The following DIPK1A variants were observed in gnomAD, a reference collection of about 807,000 sequenced individuals.
DIPK1A encodes the protein family with sequence similarity 69 member A.
In DIPK1A, 27 loss-of-function variants were observed where a neutral mutation model predicts 40.8. The observed-to-expected ratio is 0.66, with a 90% confidence interval of 0.49 to 0.91. The LOEUF is 0.91. Ranked by LOEUF, DIPK1A falls within the 40% of genes least tolerant of loss-of-function variation. The probability of loss-of-function intolerance (pLI) is 0.00; values close to 1 mark genes in which losing one functional copy is unlikely to be tolerated. For missense variants in DIPK1A, 412 were observed against 505.7 expected, an observed-to-expected ratio of 0.81 and a Z score of 1.78; for synonymous variants, 166 against 171.3, an observed-to-expected ratio of 0.97 and a Z score of 0.24.
chr1:92,835,827 G>A (rs1687101980), intron 4 of DIPK1A, among the ~76,000 whole-genome samples: 1 of 152,148 alleles, frequency 6.6e-6, no homozygotes, highest in Non-Finnish European at 1.5e-5. Flanking sequence ...TGTTAAGCAT[G>A]TGCAGCAAGG....
chr1:92,841,745 A>G (rs41286819), downstream of DIPK1A: 45,562 of 1,534,456 alleles, frequency 0.03, 866 homozygotes, highest in Non-Finnish European at 0.034. Flanking sequence ...TTTAAAAAAT[A>G]TATATTCCTA....
At chr1:92,887,993 T>A (rs1237988867) in intron 1 of DIPK1A, among the ~76,000 whole-genome samples, 1 of 151,888 alleles carries the variant, frequency 6.6e-6, no homozygotes, top group Non-Finnish European at 1.5e-5. Context: ...AACACTATTC[T>A]TTTTTTACCC....
intron 1 of DIPK1A, among the ~76,000 whole-genome samples, chr1:92,887,026 C>T (rs1648634268): frequency 6.6e-6 from 1 of 151,938 alleles, no homozygotes. Context: ...CTCATTCTCT[C>T]CCACCGCCTC....
Position 92,879,472 on chromosome 1 carries a change from A to G in DIPK1A, c.55-3042T>C, listed in dbSNP as rs144121631. Among the ~76,000 whole-genome samples the G allele has an allele frequency of 2.3e-3, 352 of 152,296 alleles. 1 individual carries two copies. Among genetic ancestry groups the G allele is most frequent in the African/African-American group, 8.1e-3 (338 of 41,562 alleles). ...CTATGAACTGGACTGCCCGATGCCTACTTGTCATGACAAAGAATGCCAAAC... is the reference window on the plus strand; with the variant it reads ...CTATGAACTGGACTGCCCGATGCCTGCTTGTCATGACAAAGAATGCCAAAC... On this transcript the variant is annotated intron_variant, in intron 1 of 4. Transcript: ENST00000370310.
intron 1 of DIPK1A, among the ~76,000 whole-genome samples, chr1:92,917,875 G>C (rs896094619): frequency 1.3e-5 from 2 of 152,160 alleles, no homozygotes; most frequent in African/African-American, 4.8e-5. Context: ...TAGTCCCTGT[G>C]TAGTATGGAC....
chr1:92,948,865 T>C (rs545579305), intron 1 of DIPK1A, among the ~76,000 whole-genome samples: 4 of 148,434 alleles, frequency 2.7e-5, no homozygotes, highest in South Asian at 2.1e-4. Flanking sequence ...AGTGCAATGG[T>C]GCGATCTTGG....
At chr1:92,839,447 TACC>T (rs1687265991), downstream of DIPK1A, among the ~76,000 whole-genome samples, 1 of 152,170 alleles carries the variant, frequency 6.6e-6, no homozygotes, top group Non-Finnish European at 1.5e-5. Flanking sequence ...GGCCTTATAT[TACC>T]ACTAGATACT....
At position 92,885,733 on chromosome 1, in the gene DIPK1A, T is replaced by C. The variant is rs1337684901; in HGVS notation, c.55-9303A>G. Among the ~76,000 whole-genome samples the C allele has an allele frequency of 2.6e-5, 4 of 152,148 alleles. No individual in the cohort carries two copies. The East Asian group carries it at 7.7e-4, about 29-fold the overall frequency. On this transcript the variant is annotated intron_variant, in intron 1 of 4. Coordinates refer to ENST00000370310, the MANE Select transcript of DIPK1A (RefSeq NM_001006605.5). ...AAGCAATTAAAACATAAGTGGAATA[T>C]AAAATGATAAATACATTAGAGCTAG...
chr1:92,898,578 G>C (rs1649279703), intron 1 of DIPK1A, among the ~76,000 whole-genome samples: 1 of 151,970 alleles, frequency 6.6e-6, no homozygotes, highest in Non-Finnish European at 1.5e-5. Flanking sequence ...GGGCTCAAGG[G>C]ATTCTCTGAT....
At chr1:92,833,452 C>A in intron 4 of DIPK1A, 1 of 1,613,896 alleles carries the variant, frequency 6.2e-7, no homozygotes, top group Non-Finnish European at 8.5e-7. Flanking sequence ...ATTTAGAAGA[C>A]GACGAGGTAC....
At chr1:92,888,539 A>C (rs1374491086) in intron 1 of DIPK1A, among the ~76,000 whole-genome samples, 1 of 152,218 alleles carries the variant, frequency 6.6e-6, no homozygotes, top group Non-Finnish European at 1.5e-5. Context: ...TTTCCTTGGA[A>C]TATATGCCCA....
In DIPK1A at chr1:92,842,739, TCATC is replaced by T. The variant is rs1687426150; in HGVS notation, c.*640_*643del. 5.1e-6 allele frequency: 5 copies of T among 985,444 alleles called. No individual in the cohort carries two copies. The highest frequency in any genetic ancestry group is 1.7e-5 in the African/African-American group (1 of 57,354). The allele number at this position is 985,444 out of a possible 1,614,324, so 61.0% of individuals were successfully genotyped here. ...GGGCCCTTTGAATCTTTAGGAAAGT[TCATC>T]CATTTTTAGTCAATAAAATTGGTGT... On this transcript the variant is annotated 3_prime_UTR_variant, in exon 5 of 5. Transcript: ENST00000370310.
At chr1:92,844,236 T>C in intron 4 of DIPK1A, 41 bp from the exon 5 acceptor site, 1 of 1,253,148 alleles carries the variant, frequency 8.0e-7, no homozygotes, top group African/African-American at 1.5e-5. Flanking sequence ...GAATGAAAAA[T>C]ACCTCCCATG....
chr1:92,950,385 C>T (rs1330784006), intron 1 of DIPK1A, among the ~76,000 whole-genome samples: 2 of 152,034 alleles, frequency 1.3e-5, no homozygotes, highest in African/African-American at 2.4e-5. Flanking sequence ...AAATGAAGAG[C>T]GGTGCTCAGA....
At chr1:92,869,706 G>A (rs1458360338) in intron 2 of DIPK1A, among the ~76,000 whole-genome samples, 1 of 151,940 alleles carries the variant, frequency 6.6e-6, no homozygotes, top group African/African-American at 2.4e-5. Context: ...ATGAGCATGT[G>A]TTTACTAAGC....
At chr1:92,932,767 C>T (rs1300798448) in intron 1 of DIPK1A, 1 of 152,164 alleles carries the variant, frequency 6.6e-6, no homozygotes, top group East Asian at 1.9e-4. Context: ...GTAAAAACAT[C>T]TGTGGTTGCT....
At chr1:92,849,737 T>C (rs1296695654) in intron 3 of DIPK1A, among the ~76,000 whole-genome samples, 1 of 152,052 alleles carries the variant, frequency 6.6e-6, no homozygotes, top group Admixed American at 6.6e-5. Flanking sequence ...TGGTCTTGAA[T>C]GCCTGGCCTC....
intron 1 of DIPK1A, among the ~76,000 whole-genome samples, chr1:92,903,787 T>C (rs1649507863): frequency 6.6e-6 from 1 of 152,214 alleles, no homozygotes; most frequent in Admixed American, 6.5e-5. Context: ...CGTCAGGTTA[T>C]GTGGGCCCAG....
intron 2 of DIPK1A, among the ~76,000 whole-genome samples, chr1:92,863,396 G>C (rs954547226): frequency 6.6e-6 from 1 of 152,084 alleles, no homozygotes; most frequent in African/African-American, 2.4e-5. Flanking sequence ...AAATATAAGA[G>C]AGTGTAGCAT....
Sources: gnomAD v4.1 joint callset for allele counts (sites outside exome capture counted in the v4.1 genomes callset) on GRCh38, gnomAD v4.1.1 for gene constraint, MANE v1.5 for transcripts, NCBI Gene and HGNC (gene_info 2026-07-23, HGNC 2026-07-21) for gene names.